The following CERS6 variants were observed in gnomAD, a reference collection of about 807,000 sequenced individuals.
CERS6 encodes ceramide synthase 6, also known as LAG1 homolog, ceramide synthase 6.
In CERS6, 26 loss-of-function variants were observed where a neutral mutation model predicts 56.8. The ratio of observed to expected loss-of-function variants is 0.46; its 90% confidence interval spans 0.34 to 0.63. CERS6 has a LOEUF of 0.63. Among genes scored for constraint, CERS6 ranks in the 30% least tolerant of loss-of-function variants. The pLI, the probability that CERS6 is intolerant of heterozygous loss-of-function variation, is 0.01. For missense variants in CERS6, 415 were observed against 467.5 expected (o/e 0.89, Z 1.04); for synonymous variants, 164 against 173.3 (o/e 0.95, Z 0.42).
intron 1 of CERS6, among the ~76,000 whole-genome samples, chr2:168,521,967 A>G (rs1287128809): frequency 6.6e-6 from 1 of 152,074 alleles, no homozygotes; most frequent in Admixed American, 6.6e-5. Context: ...TTGCCTTTCC[A>G]CCTCCATCAT....
chr2:168,669,815 C>A (rs565618345), intron 4 of CERS6, among the ~76,000 whole-genome samples: 1 of 152,064 alleles, frequency 6.6e-6, no homozygotes, highest in Non-Finnish European at 1.5e-5. Flanking sequence ...CATAAGAACT[C>A]ATATATCTTA....
chr2:168,642,566 G>A (rs1223617049), intron 4 of CERS6, among the ~76,000 whole-genome samples: 1 of 152,158 alleles, frequency 6.6e-6, no homozygotes, highest in Non-Finnish European at 1.5e-5. Flanking sequence ...TTACTACAAT[G>A]TTAACAGAGT....
intron 3 of CERS6, among the ~76,000 whole-genome samples, chr2:168,592,767 C>T (rs1208273732): frequency 6.6e-6 from 1 of 152,130 alleles, no homozygotes. Flanking sequence ...ACAAAAAATA[C>T]CCATTCCTCT....
intron 4 of CERS6, among the ~76,000 whole-genome samples, chr2:168,655,336 T>G (rs937560899): frequency 2.0e-5 from 3 of 152,174 alleles, no homozygotes; most frequent in African/African-American, 7.2e-5. Context: ...CTAAAGAAAG[T>G]AAAAATTAAA....
intron 3 of CERS6, among the ~76,000 whole-genome samples, chr2:168,584,060 C>T (rs1234603753): frequency 6.6e-6 from 1 of 152,158 alleles, no homozygotes; most frequent in Non-Finnish European, 1.5e-5. Flanking sequence ...AAAGGTTAAG[C>T]AGTTTACCCA....
chr2:168,530,848 AGACT>A (rs1574046255), intron 1 of CERS6, among the ~76,000 whole-genome samples: 1 of 152,222 alleles, frequency 6.6e-6, no homozygotes, highest in South Asian at 2.1e-4. Flanking sequence ...GGTATGGACT[AGACT>A]GACTGACCTG....
At chr2:168,504,067 G>A (rs1269291390) in intron 1 of CERS6, among the ~76,000 whole-genome samples, 1 of 152,192 alleles carries the variant, frequency 6.6e-6, no homozygotes, top group Non-Finnish European at 1.5e-5. Context: ...AGGCTAGCTG[G>A]TGGATCAAGT....
intron 1 of CERS6, among the ~76,000 whole-genome samples, chr2:168,546,857 T>A (rs1695475078): frequency 6.6e-6 from 1 of 152,204 alleles, no homozygotes; most frequent in African/African-American, 2.4e-5. Flanking sequence ...TGGGGCCCCA[T>A]GCACTTCACC....
intron 3 of CERS6, among the ~76,000 whole-genome samples, chr2:168,619,583 A>G (rs1684411327): frequency 1.3e-5 from 2 of 152,176 alleles, no homozygotes; most frequent in Non-Finnish European, 2.9e-5. Context: ...GAAGATATAC[A>G]AATGGCCAAC....
intron 2 of CERS6, among the ~76,000 whole-genome samples, chr2:168,557,905 C>T (rs1280670475): frequency 6.6e-6 from 1 of 152,082 alleles, no homozygotes; most frequent in Non-Finnish European, 1.5e-5. Flanking sequence ...AGGGTTTAAT[C>T]ACCCTAACAT....
intron 1 of CERS6, among the ~76,000 whole-genome samples, chr2:168,506,973 G>A (rs1388454909): frequency 6.6e-6 from 1 of 152,084 alleles, no homozygotes; most frequent in East Asian, 1.9e-4. Context: ...GTTGAACAAA[G>A]CATTCCTGTA....
chr2:168,497,684 A>T (rs116742199), intron 1 of CERS6, among the ~76,000 whole-genome samples: 1 of 152,186 alleles, frequency 6.6e-6, no homozygotes, highest in Non-Finnish European at 1.5e-5. Flanking sequence ...AAAGTTGGTG[A>T]CATGGTGGCT....
chr2:168,549,495 C>T (rs1328279913), intron 2 of CERS6, among the ~76,000 whole-genome samples: 2 of 151,996 alleles, frequency 1.3e-5, no homozygotes, highest in Admixed American at 6.6e-5. Flanking sequence ...ATTAGCCAGG[C>T]GTGGTGGCGG....
At chr2:168,693,199 T>A (rs1686549461) in intron 5 of CERS6, among the ~76,000 whole-genome samples, 1 of 152,192 alleles carries the variant, frequency 6.6e-6, no homozygotes, top group Non-Finnish European at 1.5e-5. Flanking sequence ...AGACCTAGGC[T>A]TAGCCTCTTA....
chr2:168,597,099 G>A (rs143923217), intron 3 of CERS6, among the ~76,000 whole-genome samples: 196 of 152,108 alleles, frequency 1.3e-3, no homozygotes, highest in Middle Eastern at 6.8e-3. Context: ...TAGCTTTGTC[G>A]TGTCAGGCCC....
At chr2:168,706,472 A>G (rs1686943982) in intron 6 of CERS6, among the ~76,000 whole-genome samples, 2 of 152,144 alleles carry the variant, frequency 1.3e-5, no homozygotes, top group Non-Finnish European at 1.5e-5. Flanking sequence ...ATATGTTTCT[A>G]GAAGCCATAA....
At chr2:168,501,097 C>G (rs1020926432) in intron 1 of CERS6, among the ~76,000 whole-genome samples, 2 of 152,188 alleles carry the variant, frequency 1.3e-5, no homozygotes, top group African/African-American at 4.8e-5. Context: ...AAGTGTTTAT[C>G]TGAATACACG....
rs980695878 is a variant in CERS6, at chr2:168,564,610, T to C, written c.407+3288T>C. 8.5e-5 allele frequency among the ~76,000 whole-genome samples: 13 copies of C among 152,246 alleles called. 1 individual carries two copies. The highest frequency in any genetic ancestry group is 5.8e-4 in the East Asian group (3 of 5,186). On this transcript the variant is annotated intron_variant, in intron 3 of 9. Transcript: ENST00000305747. ...TCAGTCACCCAAATGACATCTTCCT[T>C]CTAGAGGGTTGTGTTTTTACTGTCT... is the stretch of plus-strand genomic sequence containing the variant.
intron 1 of CERS6, among the ~76,000 whole-genome samples, chr2:168,495,561 A>G (rs1054105894): frequency 1.3e-5 from 2 of 152,208 alleles, no homozygotes; most frequent in African/African-American, 4.8e-5. Flanking sequence ...CAAACAAACA[A>G]AACTTCCCAG....
Sources: gnomAD v4.1 joint callset for allele counts (sites outside exome capture counted in the v4.1 genomes callset) on GRCh38, gnomAD v4.1.1 for gene constraint, MANE v1.5 for transcripts, NCBI Gene and HGNC (gene_info 2026-07-23, HGNC 2026-07-21) for gene names.